ABI3BP: variants seen among roughly 807,000 people sequenced by gnomAD.
The protein encoded by ABI3BP is target of Nesh-SH3.
In ABI3BP, 216 loss-of-function variants were observed where a neutral mutation model predicts 268.6. The observed-to-expected ratio is 0.80, with a 90% CI of 0.72 to 0.90. The LOEUF (loss-of-function observed/expected upper bound fraction) is 0.90. Among genes scored for constraint, ABI3BP ranks in the 40% least tolerant of loss-of-function variants. The pLI is 0.00. For missense variants in ABI3BP, 2,090 were observed against 2,182.4 expected, an observed-to-expected ratio of 0.96 and a Z score of 0.84; for synonymous variants, 730 against 730.0, an observed-to-expected ratio of 1.00 and a Z score of 0.00.
intron 21 of ABI3BP, among the ~76,000 whole-genome samples, chr3:100,841,220 T>TTTTTTTTTTTTTTTTTTTTTTG (rs1560681726): frequency 4.2e-5 from 5 of 119,550 alleles, no homozygotes; most frequent in Admixed American, 9.2e-5. Flanking sequence ...TTTTTTTTTT[T>TTTTTTTTTTTTTTTTTTTTTTG]TTTTTTTGCT....
chr3:100,875,708 G>T (rs543226424), intron 7 of ABI3BP, 129 bp from the exon 8 acceptor site: 3 of 671,714 alleles, frequency 4.5e-6, no homozygotes, highest in South Asian at 3.6e-5. Flanking sequence ...GCAACTCAGT[G>T]GCCTGGCTAT....
Position 100,909,744 on chromosome 3 carries a change from C to G in ABI3BP, c.260-7058G>C, listed in dbSNP as rs143036391. 4.2e-3 allele frequency among the ~76,000 whole-genome samples: 646 copies of G among 152,074 alleles called. 4 individuals carry two copies. Among genetic ancestry groups the G allele is most frequent in the African/African-American group, 0.014 (599 of 41,464 alleles). On this transcript the variant is annotated intron_variant, in intron 2 of 67. Transcript: ENST00000471714. ...ATACCATCTCATTCCAGGTAGAACGCCAATCATTAAAAAGTCAGGAAACAA... is the reference window on the plus strand; with the variant it reads ...ATACCATCTCATTCCAGGTAGAACGGCAATCATTAAAAAGTCAGGAAACAA...
chr3:100,796,762 CTCA>C (rs1383314136), intron 51 of ABI3BP, among the ~76,000 whole-genome samples: 1 of 151,996 alleles, frequency 6.6e-6, no homozygotes, highest in Non-Finnish European at 1.5e-5. Context: ...GTAGAGCTCC[CTCA>C]AGTGGCTTTC....
At chr3:100,895,154 T>A (rs1462910705) in intron 4 of ABI3BP, among the ~76,000 whole-genome samples, 1 of 151,972 alleles carries the variant, frequency 6.6e-6, no homozygotes, top group African/African-American at 2.4e-5. Context: ...TAAAAACAGT[T>A]GACTCTTCAT....
At position 100,810,473 on chromosome 3, in the gene ABI3BP, C is replaced by T. The variant is rs200937089; in HGVS notation, c.3546G>A (p.Thr1182=). ...VSEPPETTLE[T]SPLPSQSITL... is the part of the protein sequence containing the mutation. ...TTATAGATTGAGAAGGCAGAGGCGA[C>T]GTTTCTATGGTAATTGAAGGAAAGT... is the stretch of plus-strand genomic sequence containing the variant. The change falls in exon 49 of 68, where the codon ACG becomes ACA. Residue 1182 remains threonine (T), a synonymous_variant. Transcript: ENST00000471714. The T allele has an allele frequency of 4.2e-4, 637 of 1,534,538 alleles. 2 individuals are homozygous for T. Among genetic ancestry groups the T allele is most frequent in the South Asian group, 8.1e-4 (68 of 83,952 alleles).
At chr3:100,989,500 C>G (rs1315153738) in intron 1 of ABI3BP, among the ~76,000 whole-genome samples, 1 of 152,186 alleles carries the variant, frequency 6.6e-6, no homozygotes, top group African/African-American at 2.4e-5. Context: ...GATTTCTACT[C>G]TGTTAGGTAA....
At chr3:100,894,203 T>C (rs1007147068) in intron 4 of ABI3BP, among the ~76,000 whole-genome samples, 2 of 151,788 alleles carry the variant, frequency 1.3e-5, no homozygotes, top group Non-Finnish European at 2.9e-5. Context: ...AGGTGAAAAA[T>C]AGAAAATAAA....
chr3:100,967,700 A>G (rs1278230153), intron 1 of ABI3BP, among the ~76,000 whole-genome samples: 1 of 152,122 alleles, frequency 6.6e-6, no homozygotes, highest in Non-Finnish European at 1.5e-5. Flanking sequence ...AAAACAATTC[A>G]ATAAGGTAGA....
chr3:100,934,859 T>C (rs2065337367), intron 1 of ABI3BP, among the ~76,000 whole-genome samples: 1 of 152,212 alleles, frequency 6.6e-6, no homozygotes, highest in Non-Finnish European at 1.5e-5. Flanking sequence ...TTAAGTTCTT[T>C]GTAGATTCTG....
chr3:100,830,094 C>CAT (rs1327230678), intron 32 of ABI3BP, among the ~76,000 whole-genome samples: 1 of 56,804 alleles, frequency 1.8e-5, no homozygotes, highest in Non-Finnish European at 3.3e-5. Flanking sequence ...TATACATATA[C>CAT]ATACATACAT....
chr3:100,920,778 T>C (rs745441456), intron 2 of ABI3BP, among the ~76,000 whole-genome samples: 15 of 152,070 alleles, frequency 9.9e-5, no homozygotes, highest in Non-Finnish European at 5.9e-5. Context: ...TGAAAGATTA[T>C]TCTCTATTTT....
rs1410812215 is a variant in ABI3BP, at chr3:100,771,097, GAAAA to G, written c.4532-149_4532-146del. ...CCATGATGTGGATGGTTCAAACTAG[GAAAA>G]TTCAAAATCTTGCCTCTGAGATACG... On this transcript the variant is annotated intron_variant, in intron 61 of 67. Coordinates refer to ENST00000471714, the MANE Select transcript of ABI3BP (RefSeq NM_001375547.2). The G allele has an allele frequency of 1.8e-5, 12 of 679,778 alleles. No individual in the cohort carries two copies. The South Asian group carries it at 4.3e-4, about 25-fold the overall frequency. The allele number at this position is 679,778 out of a possible 1,614,324, so 42.1% of individuals were successfully genotyped here.
At chr3:100,880,135 G>A (rs556440167) in intron 6 of ABI3BP, among the ~76,000 whole-genome samples, 3 of 152,128 alleles carry the variant, frequency 2.0e-5, no homozygotes, top group Non-Finnish European at 4.4e-5. Flanking sequence ...TTGTTATTAC[G>A]AACAGCTATT....
In ABI3BP at chr3:100,912,655, C is replaced by T. The variant is rs528989200; in HGVS notation, c.260-9969G>A. On this transcript the variant is annotated intron_variant, in intron 2 of 67. Transcript: ENST00000471714. ...ACATTTAGCTATATTCAGACCTGAG[C>T]GGGTATAATCTAAATTTAAGCATCC... is the stretch of plus-strand genomic sequence containing the variant. Among the ~76,000 whole-genome samples the T allele has an allele frequency of 6.6e-5, 10 of 152,224 alleles. No homozygotes were observed. In the East Asian group the frequency reaches 7.7e-4, roughly 12 times the overall value.
At chr3:100,921,466 A>C (rs373655760) in intron 2 of ABI3BP, among the ~76,000 whole-genome samples, 24 of 152,272 alleles carry the variant, frequency 1.6e-4, no homozygotes, top group South Asian at 4.1e-4. Context: ...AAAAGAAAGA[A>C]GCAGAAACTT....
intron 2 of ABI3BP, among the ~76,000 whole-genome samples, chr3:100,914,992 G>T (rs2058106897): frequency 6.6e-6 from 1 of 152,188 alleles, no homozygotes; most frequent in African/African-American, 2.4e-5. Flanking sequence ...AGGGTCGGAT[G>T]CAAAATCAAA....
At chr3:100,808,266 T>A (rs371594573) in intron 49 of ABI3BP, 31 bp from the exon 50 acceptor site, 3 of 1,554,172 alleles carry the variant, frequency 1.9e-6, no homozygotes, top group African/African-American at 2.7e-5. Flanking sequence ...TCGGAAATCT[T>A]GAGCCCTTCA....
chr3:100,751,547 C>CA lies in ABI3BP; in HGVS notation c.5245+4dup. 6.3e-7 allele frequency: 1 copy of CA among 1,582,776 alleles called. No individual in the cohort carries two copies. The highest frequency in any genetic ancestry group is 8.6e-7 in the Non-Finnish European group (1 of 1,163,282). ...TGTTCTTATGAGGAGGATCAGAAAACATACCTTCTTTGATTGGTAACTGGT... is the reference window on the plus strand; with the variant it reads ...TGTTCTTATGAGGAGGATCAGAAAACAATACCTTCTTTGATTGGTAACTGGT... On this transcript the variant is annotated splice_donor_region_variant and intron_variant, in intron 67 of 67. Coordinates refer to ENST00000471714, the MANE Select transcript of ABI3BP (RefSeq NM_001375547.2).
intron 2 of ABI3BP, chr3:100,911,999 T>A: frequency 1.3e-6 from 1 of 790,526 alleles, no homozygotes; most frequent in Non-Finnish European, 2.3e-6. Context: ...GGAATATATT[T>A]CTGAATGTCA....
Sources: gnomAD v4.1 joint callset for allele counts (sites outside exome capture counted in the v4.1 genomes callset) on GRCh38, gnomAD v4.1.1 for gene constraint, MANE v1.5 for transcripts, NCBI Gene and HGNC (gene_info 2026-07-23, HGNC 2026-07-21) for gene names.